The following STIM1 variants were observed in gnomAD, a reference collection of about 807,000 sequenced individuals.
The protein encoded by STIM1 is stromal interaction molecule 1.
In STIM1, 25 loss-of-function variants were observed where a neutral mutation model predicts 74.7. That is an observed-to-expected ratio of 0.33 (90% CI 0.24 to 0.47). The LOEUF is 0.47. Ranked by LOEUF, STIM1 falls within the 20% of genes least tolerant of loss-of-function variation. STIM1 has a pLI of 1.00. For synonymous variants in STIM1, 328 were observed against 348.8 expected, an observed-to-expected ratio of 0.94 and a Z score of 0.66; for missense variants, 728 against 920.8, an observed-to-expected ratio of 0.79 and a Z score of 2.71.
At chr11:3,932,193 C>A (rs2092872265) in intron 1 of STIM1, among the ~76,000 whole-genome samples, 1 of 152,144 alleles carries the variant, frequency 6.6e-6, no homozygotes, top group South Asian at 2.1e-4. Context: ...GTATGTAAGC[C>A]CCTAATAAAA....
At chr11:3,895,595 T>C (rs1369388183) in intron 1 of STIM1, among the ~76,000 whole-genome samples, 13 of 88,580 alleles carry the variant, frequency 1.5e-4, no homozygotes, top group Non-Finnish European at 2.4e-4. Context: ...GGAATAGTGT[T>C]CTTTCTTTCT....
intron 1 of STIM1, among the ~76,000 whole-genome samples, chr11:3,889,030 T>C (rs903763660): frequency 6.6e-6 from 1 of 151,284 alleles, no homozygotes; most frequent in Non-Finnish European, 1.5e-5. Context: ...ACAAAGCAGA[T>C]GGAGTGGCCT....
intron 2 of STIM1, among the ~76,000 whole-genome samples, chr11:3,970,873 T>C (rs1258522460): frequency 1.3e-5 from 2 of 152,240 alleles, no homozygotes; most frequent in Non-Finnish European, 2.9e-5. Context: ...ACATTTGTTT[T>C]TAGGTTGCCT....
rs2094483193 is a variant in STIM1 at position 4,084,751 on chromosome 11, T to C, written c.1553T>C (p.Leu518Pro). 11 of 1,289,396 alleles carry C rather than the reference T, an allele frequency of 8.5e-6. No homozygotes were observed. The highest frequency in any genetic ancestry group is 1.0e-5 in the Non-Finnish European group (10 of 988,884). The allele number at this position is 1,289,396 out of a possible 1,614,324, so 79.9% of individuals were successfully genotyped here. The change falls in exon 11 of 13, where the codon CTC becomes CCC. Residue 518 changes from leucine to proline, a missense_variant. Leu to Pro is a moderately conservative substitution (Grantham distance 98). This residue lies in a region of STIM1 where 352 missense variants were observed against 370.1 expected (regional missense o/e 0.95). Transcript: ENST00000526596. ...TCCGCCGGCTCGGATGATCAGTCCC[T>C]CTGGAAATACCCCGGTTTGAGGAGC... Reference protein sequence around the residue: ...STSAGSDDQSLWKYPAPSLQS... With the variant: ...STSAGSDDQSPWKYPAPSLQS...
At chr11:3,952,815 G>A (rs1284673366) in intron 1 of STIM1, among the ~76,000 whole-genome samples, 1 of 152,198 alleles carries the variant, frequency 6.6e-6, no homozygotes, top group African/African-American at 2.4e-5. Context: ...ATTCAGTCAG[G>A]AAGGTCATAG....
At chr11:3,950,973 T>C (rs145147741) in intron 1 of STIM1, among the ~76,000 whole-genome samples, 69 of 152,284 alleles carry the variant, frequency 4.5e-4, no homozygotes, top group African/African-American at 1.7e-3. Context: ...TGGTAGAGGA[T>C]GAGTTTGAAA....
chr11:3,885,405 T>C (rs1348914227), intron 1 of STIM1, among the ~76,000 whole-genome samples: 2 of 152,158 alleles, frequency 1.3e-5, no homozygotes, highest in Non-Finnish European at 2.9e-5. Flanking sequence ...TAGGCTGGTC[T>C]TGAACCCCTG....
At chr11:4,007,407 G>A (rs2093793001) in intron 2 of STIM1, among the ~76,000 whole-genome samples, 1 of 152,178 alleles carries the variant, frequency 6.6e-6, no homozygotes, top group South Asian at 2.1e-4. Flanking sequence ...TTAGCTGGAT[G>A]TGGGACAGTG....
At chr11:4,071,977 G>A (rs2094406403) in intron 6 of STIM1, among the ~76,000 whole-genome samples, 1 of 152,144 alleles carries the variant, frequency 6.6e-6, no homozygotes, top group Non-Finnish European at 1.5e-5. Flanking sequence ...ACTTTGCTGG[G>A]CCCCTTGTTC....
chr11:3,973,823 C>A (rs1442957700), intron 2 of STIM1: 1 of 367,524 alleles, frequency 2.7e-6, no homozygotes, highest in East Asian at 5.1e-5. Flanking sequence ...AAACGATCTT[C>A]CTGTCTCAGC....
intron 2 of STIM1, among the ~76,000 whole-genome samples, chr11:4,000,468 G>A (rs1234130088): frequency 6.6e-6 from 1 of 152,038 alleles, no homozygotes; most frequent in African/African-American, 2.4e-5. Context: ...TGATACCCAG[G>A]CAAACAGGGT....
At position 3,855,881 on chromosome 11, in the gene STIM1, GCCTCT is replaced by G. The variant is rs1465590375; in HGVS notation, c.-388_-384del. ...GGGCGAGGTCAGGTGCCCCCTTCTCGCCTCTCTTCTCTTCTCTTCTCTTCCTCCTC... is the reference window on the plus strand; with the variant it reads ...GGGCGAGGTCAGGTGCCCCCTTCTCGCTTCTCTTCTCTTCTCTTCCTCCTC... On this transcript the variant is annotated 5_prime_UTR_variant, in exon 1 of 13. Transcript: ENST00000526596. The G allele has an allele frequency of 1.4e-5, 3 of 216,776 alleles. No homozygotes were observed. Among genetic ancestry groups the G allele is most frequent in the Non-Finnish European group, 2.9e-5 (3 of 104,156 alleles). The allele number at this position is 216,776 out of a possible 1,614,324, so 13.4% of individuals were successfully genotyped here.
chr11:3,980,549 G>A (rs548666301), intron 2 of STIM1, among the ~76,000 whole-genome samples: 1 of 150,166 alleles, frequency 6.7e-6, no homozygotes, highest in South Asian at 2.1e-4. Context: ...TGAGACAGGA[G>A]GATCGCTTGA....
intron 3 of STIM1, among the ~76,000 whole-genome samples, chr11:4,043,997 T>G (rs1333711376): frequency 6.6e-6 from 1 of 151,894 alleles, no homozygotes; most frequent in East Asian, 1.9e-4. Context: ...CCTAGCGACA[T>G]AGTAGACTCC....
At chr11:4,009,834 A>G (rs1192374442) in intron 2 of STIM1, among the ~76,000 whole-genome samples, 2 of 151,976 alleles carry the variant, frequency 1.3e-5, no homozygotes, top group East Asian at 1.9e-4. Context: ...TTTTTTTGAG[A>G]CAGGATCTTG....
intron 1 of STIM1, among the ~76,000 whole-genome samples, chr11:3,895,698 C>CT (rs1435214065): frequency 2.8e-4 from 8 of 28,556 alleles, no homozygotes; most frequent in African/African-American, 7.1e-4. Flanking sequence ...TTCTTTCTTT[C>CT]TTTCTTTCTT....
At chr11:3,981,993 CTTTCTTTTCTTTTTGTTTCTTT>C (rs903834727) in intron 2 of STIM1, among the ~76,000 whole-genome samples, 1 of 152,008 alleles carries the variant, frequency 6.6e-6, no homozygotes, top group Admixed American at 6.6e-5. Context: ...CTCTCTGTCT[CTTTCTTTTCTTTTTGTTTCTTT>C]TTTCTTTTCT....
chr11:3,907,245 A>G lies in STIM1; in HGVS notation c.139+50836A>G, dbSNP rs1279815681. ...TTACTATTCACTGGGAGCTTTGTTT[A>G]TTGAATATCTCATGGCATTAAAAGT... On this transcript the variant is annotated intron_variant, in intron 1 of 12. Coordinates refer to ENST00000526596, the MANE Select transcript of STIM1 (RefSeq NM_001382567.1). Among the ~76,000 whole-genome samples the G allele has an allele frequency of 2.6e-5, 4 of 152,196 alleles. No homozygotes were observed. The East Asian group carries it at 7.7e-4, about 29-fold the overall frequency.
intron 5 of STIM1, among the ~76,000 whole-genome samples, chr11:4,065,097 C>CA (rs1368444651): frequency 2.0e-5 from 3 of 152,170 alleles, no homozygotes; most frequent in African/African-American, 7.2e-5. Flanking sequence ...TGTGTGCCTA[C>CA]AGTGTGCTTA....
Sources: allele counts gnomAD v4.1 joint callset (sites outside exome capture counted in the v4.1 genomes callset), GRCh38; gene constraint gnomAD v4.1.1; regional missense constraint gnomAD v4.1.1; transcripts MANE v1.5; gene names NCBI Gene and HGNC (gene_info 2026-07-23, HGNC 2026-07-21).